Variants in PPM1D observed in about 807,000 individuals in gnomAD.
PPM1D encodes protein phosphatase, Mg2+/Mn2+ dependent 1D, also known as protein phosphatase 1D.
In PPM1D, 52 loss-of-function variants were observed where a neutral mutation model predicts 58.3. The ratio of observed to expected loss-of-function variants is 0.89; its 90% CI spans 0.71 to 1.12. The LOEUF is 1.12. Ranked by LOEUF, PPM1D falls within the 50% of genes most tolerant of loss-of-function variation. PPM1D has a pLI of 0.00. For synonymous variants in PPM1D, 278 were observed against 285.1 expected, an observed-to-expected ratio of 0.98 and a Z score of 0.25; for missense variants, 564 against 777.2, an observed-to-expected ratio of 0.73 and a Z score of 3.26.
At chr17:60,660,267 C>T (rs1473226691) in intron 5 of PPM1D, among the ~76,000 whole-genome samples, 3 of 152,182 alleles carry the variant, frequency 2.0e-5, no homozygotes, top group East Asian at 1.9e-4. Context: ...ACCCAGGAGG[C>T]GGAGGTTGCA....
intron 2 of PPM1D, among the ~76,000 whole-genome samples, chr17:60,628,225 T>A (rs2030849889): frequency 6.6e-6 from 1 of 152,186 alleles, no homozygotes; most frequent in African/African-American, 2.4e-5. Context: ...ACTTTTAGAT[T>A]CACAGCAAAA....
chr17:60,628,221 A>G (rs1265000492), intron 2 of PPM1D, among the ~76,000 whole-genome samples: 1 of 152,226 alleles, frequency 6.6e-6, no homozygotes, highest in Non-Finnish European at 1.5e-5. Context: ...GAGTACTTTT[A>G]GATTCACAGC....
chr17:60,640,237 A>G (rs2031107134), intron 3 of PPM1D, among the ~76,000 whole-genome samples: 1 of 152,188 alleles, frequency 6.6e-6, no homozygotes, highest in Non-Finnish European at 1.5e-5. Flanking sequence ...GCTTGAGCCC[A>G]GGAGGCTGCA....
chr17:60,620,557 C>G (rs1026241937), intron 1 of PPM1D, among the ~76,000 whole-genome samples: 2 of 151,988 alleles, frequency 1.3e-5, no homozygotes, highest in Non-Finnish European at 2.9e-5. Context: ...GACAGAGTCT[C>G]GCTGTACTAC....
chr17:60,646,638 G>A (rs759355540), intron 3 of PPM1D, among the ~76,000 whole-genome samples: 6 of 152,168 alleles, frequency 3.9e-5, no homozygotes, highest in Non-Finnish European at 7.4e-5. Flanking sequence ...TTACAGAAAA[G>A]TAGATGGTTT....
intron 1 of PPM1D, 58 bp downstream of exon 1, chr17:60,600,944 TGGCACCAGCCCCGCGTGGGCCCCC>T: frequency 6.2e-7 from 1 of 1,607,524 alleles, no homozygotes; most frequent in Non-Finnish European, 8.5e-7. Context: ...AGGGCTTTTA[TGGCACCAGCCCCGCGTGGGCCCCC>T]GGCACCCAGA....
At position 60,662,982 on chromosome 17, in the gene PPM1D, T is replaced by G; in HGVS notation, c.1261-13T>G. 6.3e-7 allele frequency: 1 copy of G among 1,580,512 alleles called. No individual in the cohort carries two copies. Among genetic ancestry groups the G allele is most frequent in the Non-Finnish European group, 8.6e-7 (1 of 1,164,138 alleles). On this transcript the variant is annotated splice_polypyrimidine_tract_variant and intron_variant, in intron 5 of 5. Coordinates refer to ENST00000305921, the MANE Select transcript of PPM1D (RefSeq NM_003620.4). The stretch of plus-strand genomic sequence containing the variant: ...AAATTTTTTCTTATTTGTTTTACCT[T>G]CTTATTTTTCAGTCACTGGAGGAGG...
At chr17:60,620,516 G>A (rs1468520529) in intron 1 of PPM1D, among the ~76,000 whole-genome samples, 4 of 150,826 alleles carry the variant, frequency 2.7e-5, no homozygotes, top group Non-Finnish European at 5.9e-5. Context: ...TTTTGTTGCT[G>A]TTTTTTTTGT....
intron 2 of PPM1D, 70 bp from the exon 3 acceptor site, chr17:60,633,783 A>C: frequency 7.3e-7 from 1 of 1,374,508 alleles, no homozygotes; most frequent in Non-Finnish European, 1.0e-6. Context: ...TTAGTGATTT[A>C]ATATACTGAG....
At chr17:60,610,176 C>CAAAAAAA (rs57245998) in intron 1 of PPM1D, among the ~76,000 whole-genome samples, 1 of 69,884 alleles carries the variant, frequency 1.4e-5, no homozygotes. Context: ...GAGACTGTCT[C>CAAAAAAA]AAAAAAAAAA....
chr17:60,655,933 C>G (rs965196126), intron 4 of PPM1D, among the ~76,000 whole-genome samples: 4 of 151,238 alleles, frequency 2.6e-5, no homozygotes, highest in Non-Finnish European at 5.9e-5. Flanking sequence ...GATCTCCTGA[C>G]CTCATGATCC....
intron 1 of PPM1D, among the ~76,000 whole-genome samples, chr17:60,613,024 A>G (rs1441435975): frequency 6.6e-6 from 1 of 152,168 alleles, no homozygotes; most frequent in African/African-American, 2.4e-5. Flanking sequence ...GGCCTTTTCT[A>G]CCATAATAGG....
chr17:60,643,182 T>C (rs1366971924), intron 3 of PPM1D, among the ~76,000 whole-genome samples: 1 of 151,726 alleles, frequency 6.6e-6, no homozygotes, highest in Non-Finnish European at 1.5e-5. Context: ...GAGTTCGAGA[T>C]CAGCCTGGCC....
intron 1 of PPM1D, among the ~76,000 whole-genome samples, chr17:60,602,210 GC>G (rs2030229300): frequency 6.6e-6 from 1 of 152,176 alleles, no homozygotes; most frequent in African/African-American, 2.4e-5. Context: ...GCACCGTAGA[GC>G]TGAAAGCACT....
At chr17:60,658,474 C>T (rs1468236630) in intron 5 of PPM1D, among the ~76,000 whole-genome samples, 1 of 151,260 alleles carries the variant, frequency 6.6e-6, no homozygotes, top group Non-Finnish European at 1.5e-5. Flanking sequence ...CATGGAGATA[C>T]CCCATCTCTA....
intron 1 of PPM1D, among the ~76,000 whole-genome samples, chr17:60,606,915 G>C (rs117313735): frequency 6.6e-6 from 1 of 152,006 alleles, no homozygotes; most frequent in African/African-American, 2.4e-5. Flanking sequence ...TCCTGCCTCA[G>C]CCTCTGAAGT....
rs1231214116 is a variant in PPM1D at position 60,664,213 on chromosome 17, T to C, written c.*661T>C. 1 of 152,674 alleles carries C rather than the reference T, an allele frequency of 6.5e-6. No homozygotes were observed. The highest frequency in any genetic ancestry group is 1.5e-5 in the Non-Finnish European group (1 of 68,052). 9.5% of individuals were successfully genotyped at this position (152,674 alleles called of 1,614,324 possible). A position where few individuals can be genotyped will look rare whatever the true frequency, so the allele number is the denominator to read the frequency against. On this transcript the variant is annotated 3_prime_UTR_variant, in exon 6 of 6. Coordinates refer to ENST00000305921, the MANE Select transcript of PPM1D (RefSeq NM_003620.4). ...AACCTTAGTCATCAGATATGCTTAC[T>C]AAATCTTCAGCATAGAAGGAAGTGT...
chr17:60,623,083 A>C (rs2030738958), intron 1 of PPM1D, among the ~76,000 whole-genome samples: 1 of 152,214 alleles, frequency 6.6e-6, no homozygotes, highest in African/African-American at 2.4e-5. Flanking sequence ...AAAAACAACA[A>C]AACAGAAAAA....
chr17:60,655,652 C>A (rs769988442), intron 4 of PPM1D, among the ~76,000 whole-genome samples: 2 of 151,400 alleles, frequency 1.3e-5, no homozygotes, highest in African/African-American at 2.4e-5. Context: ...TGGCTACTTT[C>A]TTTTTAAGTA....
Sources: allele counts gnomAD v4.1 joint callset (sites outside exome capture counted in the v4.1 genomes callset), GRCh38; gene constraint gnomAD v4.1.1; transcripts MANE v1.5; gene names NCBI Gene and HGNC (gene_info 2026-07-23, HGNC 2026-07-21).